The following DACT3 variants were observed in gnomAD, a reference collection of about 807,000 sequenced individuals.
The protein encoded by DACT3 is dapper homolog 3.
Under a neutral mutation model 19.6 loss-of-function variants are expected in DACT3, and 5 were observed. The observed-to-expected ratio is 0.26, with a 90% CI of 0.13 to 0.54. The LOEUF (loss-of-function observed/expected upper bound fraction) is 0.54, where lower values mean the gene tolerates loss of function less well. Among genes scored for constraint, DACT3 ranks in the 20% least tolerant of loss-of-function variants. The pLI is 0.95. For synonymous variants in DACT3, 454 were observed against 428.1 expected (o/e 1.06, Z -0.75); for missense variants, 908 against 927.4 (o/e 0.98, Z 0.27).
chr19:46,649,804 G>T lies in DACT3; in HGVS notation c.568C>A (p.Pro190Thr). 1 of 1,403,266 alleles carries T rather than the reference G, an allele frequency of 7.1e-7. No individual in the cohort carries two copies. The highest frequency in any genetic ancestry group is 9.2e-7 in the Non-Finnish European group (1 of 1,083,726). 86.9% of individuals were successfully genotyped at this position (1,403,266 alleles called of 1,614,324 possible). A position where few individuals can be genotyped will look rare whatever the true frequency, so the allele number is the denominator to read the frequency against. ...RAAVPRSFSA[P>T]YPTAGGSAGP... ...GCGGACCCCCCTGCCGTCGGGTAGG[G>T]CGCTGAGAAGGACCGCGGCACCGCT... Residue 190 changes from proline (P) to threonine (T), a missense_variant, in exon 4 of 4, where the codon CCC (proline) becomes ACC (threonine). By Grantham distance (38) the Pro-to-Thr change is conservative. This residue lies in a region of DACT3 where 252 missense variants were observed against 325.6 expected (regional missense o/e 0.77). Coordinates refer to ENST00000391916, the MANE Select transcript of DACT3 (RefSeq NM_145056.3).
At chr19:46,653,647 G>A (rs1404391067) in intron 1 of DACT3, among the ~76,000 whole-genome samples, 1 of 151,644 alleles carries the variant, frequency 6.6e-6, no homozygotes, top group Non-Finnish European at 1.5e-5. Flanking sequence ...TCTACCTCCC[G>A]GGATCAGGCA....
At position 46,648,967 on chromosome 19, in the gene DACT3, C is replaced by G; in HGVS notation, c.1405G>C (p.Ala469Pro). 1 of 1,295,644 alleles carries G rather than the reference C, an allele frequency of 7.7e-7. No homozygotes were observed. Among genetic ancestry groups the G allele is most frequent in the Non-Finnish European group, 9.8e-7 (1 of 1,024,910 alleles). The allele number at this position is 1,295,644 out of a possible 1,614,324, so 80.3% of individuals were successfully genotyped here. A position where few individuals can be genotyped will look rare whatever the true frequency, so the allele number is the denominator to read the frequency against. ...CGCCAGCGACGGCAGGACCCTGCGG[C>G]CTGGGCCGCCAGCGTGGGCGCTGGG... ...RGPAPTLAAQ[A>P]AGSCRRWRST... is the part of the protein sequence containing the mutation. Residue 469 changes from alanine (A) to proline (P), a missense_variant, in exon 4 of 4, where the codon GCC (alanine) becomes CCC (proline). Transcript: ENST00000391916. The surrounding 1 kb of genome is among the most constrained non-coding windows in gnomAD (Gnocchi z 5.1).
In DACT3 at chr19:46,649,447, G is replaced by A. The variant is rs1309154437; in HGVS notation, c.925C>T (p.Arg309Cys). Residue 309 changes from arginine to cysteine, a missense_variant, in exon 4 of 4, where the codon CGC (arginine) becomes TGC (cysteine). Coordinates refer to ENST00000391916, the MANE Select transcript of DACT3 (RefSeq NM_145056.3). ...GGGCTGGTGGGGTGGCCCCCGACGCGCTCCAACGAGGGCTCCCGCGCGGGT... is the reference window on the plus strand; with the variant it reads ...GGGCTGGTGGGGTGGCCCCCGACGCACTCCAACGAGGGCTCCCGCGCGGGT... Reference protein sequence around the residue: ...ARPAREPSLERVGGHPTSPAA... With the variant: ...ARPAREPSLECVGGHPTSPAA... 4 of 1,223,970 alleles carry A rather than the reference G, an allele frequency of 3.3e-6. No homozygotes were observed. The highest frequency in any genetic ancestry group is 4.1e-6 in the Non-Finnish European group (4 of 976,120). The allele number at this position is 1,223,970 out of a possible 1,614,324, so 75.8% of individuals were successfully genotyped here. A position where few individuals can be genotyped will look rare whatever the true frequency, so the allele number is the denominator to read the frequency against.
At position 46,660,543 on chromosome 19, in the gene DACT3, A is replaced by T; in HGVS notation, c.249+273T>A. The T allele has an allele frequency of 2.1e-6, 1 of 473,810 alleles. No homozygotes were observed. The highest frequency in any genetic ancestry group is 3.5e-6 in the Non-Finnish European group (1 of 284,814). The allele number at this position is 473,810 out of a possible 1,614,324, so 29.4% of individuals were successfully genotyped here. A position where few individuals can be genotyped will look rare whatever the true frequency, so the allele number is the denominator to read the frequency against. On this transcript the variant is annotated intron_variant, in intron 1 of 3. Coordinates refer to ENST00000391916, the MANE Select transcript of DACT3 (RefSeq NM_145056.3). The surrounding 1 kb of genome is among the most constrained non-coding windows in gnomAD (Gnocchi z 4.9). ...GGTTTGACACATACTTGGCGCCCAC[A>T]AGGATTTTCTTTGGGGAAGGGGTGT...
intron 1 of DACT3, among the ~76,000 whole-genome samples, chr19:46,657,716 C>A (rs562183794): frequency 4.1e-4 from 62 of 151,464 alleles, no homozygotes; most frequent in South Asian, 1.0e-3. Flanking sequence ...CTATGAATTT[C>A]TTATAAGGAA....
Position 46,649,513 on chromosome 19 carries a change from G to A in DACT3, c.859C>T (p.Gln287Ter). ...GGPRRQNSVR[Q>*]RPPDASPSPG... Reference sequence around the variant, plus strand: ...GACGGAGACGCGTCGGGCGGCCGCTGGCGCACGCTGTTCTGGCGCCGCGGG... The same window carrying A: ...GACGGAGACGCGTCGGGCGGCCGCTAGCGCACGCTGTTCTGGCGCCGCGGG... The change falls in exon 4 of 4, where the codon CAG becomes TAG. Residue 287 changes from glutamine to a stop codon, truncating the protein, a stop_gained. Coordinates refer to ENST00000391916, the MANE Select transcript of DACT3 (RefSeq NM_145056.3). LOFTEE classifies it low-confidence loss of function (END_TRUNC). The A allele has an allele frequency of 9.2e-7, 1 of 1,087,904 alleles. No individual in the cohort carries two copies. Among genetic ancestry groups the A allele is most frequent in the Non-Finnish European group, 1.1e-6 (1 of 898,130 alleles). 67.4% of individuals were successfully genotyped at this position (1,087,904 alleles called of 1,614,324 possible).
At chr19:46,655,128 C>G (rs150642857) in intron 1 of DACT3, 2 of 913,668 alleles carry the variant, frequency 2.2e-6, no homozygotes. Context: ...GCCTTGCCAC[C>G]GTCCCTCGAA....
chr19:46,648,366 G>A lies in DACT3; in HGVS notation c.*116C>T. 1 of 1,539,048 alleles carries A rather than the reference G, an allele frequency of 6.5e-7. No individual in the cohort carries two copies. The highest frequency in any genetic ancestry group is 8.8e-7 in the Non-Finnish European group (1 of 1,132,234). ...CTGTTAGGAGTGGGGAGAGTGAGGG[G>A]GGTCTTTGGAAGCAGAGAAAACGAT... On this transcript the variant is annotated 3_prime_UTR_variant, in exon 4 of 4. Coordinates refer to ENST00000391916, the MANE Select transcript of DACT3 (RefSeq NM_145056.3). The surrounding 1 kb of genome is among the most constrained non-coding windows in gnomAD (Gnocchi z 5.1).
At chr19:46,654,567 A>C (rs185544019) in intron 1 of DACT3, 1 of 985,344 alleles carries the variant, frequency 1.0e-6, no homozygotes, top group Admixed American at 6.2e-5. Context: ...AGCACTTCTC[A>C]CGGATGGGGT....
intron 1 of DACT3, among the ~76,000 whole-genome samples, chr19:46,655,679 A>C (rs2053027296): frequency 6.6e-6 from 1 of 152,146 alleles, no homozygotes; most frequent in African/African-American, 2.4e-5. Context: ...TCTCACTAGA[A>C]TGTCAGCCCT....
At position 46,661,021 on chromosome 19, in the gene DACT3, C is replaced by T. The variant is rs1189573487; in HGVS notation, c.44G>A (p.Arg15Gln). 6.5e-7 allele frequency: 1 copy of T among 1,530,238 alleles called. No homozygotes were observed. The highest frequency in any genetic ancestry group is 1.2e-5 in the South Asian group (1 of 82,432). The allele number at this position is 1,530,238 out of a possible 1,614,324, so 94.8% of individuals were successfully genotyped here. The change falls in exon 1 of 4, where the codon CGG becomes CAG. Residue 15 changes from arginine to glutamine, a missense_variant. By Grantham distance (43) the Arg-to-Gln change is conservative. Transcript: ENST00000391916. ...GCTACCCTCCAGCCAGCCCCGCAGC[C>T]GGCCCCGCTCAGGGCTCACCGGGAA... ...FSFPVSPERG[R>Q]LRGWLEGSLA...
chr19:46,660,906 C>T lies in DACT3; in HGVS notation c.159G>A (p.Gly53=), dbSNP rs1169763006. 1.3e-6 allele frequency: 2 copies of T among 1,538,046 alleles called. No individual in the cohort carries two copies. The change falls in exon 1 of 4, where the codon GGG becomes GGA. Residue 53 remains glycine, a synonymous_variant. Coordinates refer to ENST00000391916, the MANE Select transcript of DACT3 (RefSeq NM_145056.3). This position sits in a 1 kb window ranked among gnomAD's most constrained non-coding sequence, Gnocchi z 4.9. ...QALRLAQPGM[G]GAEAEDEEDA... Reference sequence around the variant, plus strand: ...CCTCCTCGTCCTCGGCCTCGGCGCCCCCCATTCCGGGCTGGGCCAGCCGCA... The same window carrying T: ...CCTCCTCGTCCTCGGCCTCGGCGCCTCCCATTCCGGGCTGGGCCAGCCGCA...
chr19:46,656,256 G>C (rs1442441889), intron 1 of DACT3, among the ~76,000 whole-genome samples: 2 of 151,650 alleles, frequency 1.3e-5, no homozygotes, highest in Non-Finnish European at 2.9e-5. Context: ...CATCATGTTG[G>C]CCAGGTTGGT....
chr19:46,655,281 G>T (rs2053024371), intron 1 of DACT3, among the ~76,000 whole-genome samples: 1 of 151,962 alleles, frequency 6.6e-6, no homozygotes, highest in African/African-American at 2.4e-5. Context: ...TGCTTTTCGG[G>T]TTTTTTCTAC....
intron 1 of DACT3, chr19:46,655,166 G>A: frequency 1.7e-6 from 1 of 572,610 alleles, no homozygotes; most frequent in Non-Finnish European, 2.2e-6. Context: ...TACCTCGGGA[G>A]AATGTTTCCC....
In DACT3 at chr19:46,660,908, C is replaced by T. The variant is rs1408750422; in HGVS notation, c.157G>A (p.Gly53Arg). 2 of 1,538,100 alleles carry T rather than the reference C, an allele frequency of 1.3e-6. No individual in the cohort carries two copies. Among genetic ancestry groups the T allele is most frequent in the African/African-American group, 1.4e-5 (1 of 72,716 alleles). ...QALRLAQPGM[G>R]GAEAEDEEDA... ...TCCTCGTCCTCGGCCTCGGCGCCCC[C>T]CATTCCGGGCTGGGCCAGCCGCAGC... is the stretch of plus-strand genomic sequence containing the variant. Residue 53 changes from glycine to arginine, a missense_variant, in exon 1 of 4, where the codon GGG becomes AGG. Physicochemically the swap from Gly to Arg is moderately radical, Grantham distance 125. This residue lies in a region of DACT3 where 252 missense variants were observed against 325.6 expected (regional missense o/e 0.77). Coordinates refer to ENST00000391916, the MANE Select transcript of DACT3 (RefSeq NM_145056.3). The surrounding 1 kb of genome is among the most constrained non-coding windows in gnomAD (Gnocchi z 4.9).
In DACT3 at chr19:46,648,171, C is replaced by T. The variant is rs2052936653; in HGVS notation, c.*311G>A. 1 of 314,174 alleles carries T rather than the reference C, an allele frequency of 3.2e-6. No individual in the cohort carries two copies. The highest frequency in any genetic ancestry group is 5.4e-5 in the South Asian group (1 of 18,354). 19.5% of individuals were successfully genotyped at this position (314,174 alleles called of 1,614,324 possible). A position where few individuals can be genotyped will look rare whatever the true frequency, so the allele number is the denominator to read the frequency against. On this transcript the variant is annotated 3_prime_UTR_variant, in exon 4 of 4. Coordinates refer to ENST00000391916, the MANE Select transcript of DACT3 (RefSeq NM_145056.3). This position sits in a 1 kb window ranked among gnomAD's most constrained non-coding sequence, Gnocchi z 5.1. ...TAAACTAAAACGGGGAAATTCAAAC[C>T]GAATTACCCCTTTTGCATACATGGA... is the stretch of plus-strand genomic sequence containing the variant.
intron 1 of DACT3, chr19:46,659,239 G>C (rs1043496287): frequency 1.0e-6 from 1 of 985,248 alleles, no homozygotes. Flanking sequence ...TAGAGACTGG[G>C]GGGTGGGGGG....
intron 1 of DACT3, among the ~76,000 whole-genome samples, chr19:46,658,229 TAA>T (rs34025756): frequency 1.4e-5 from 2 of 142,644 alleles, no homozygotes; most frequent in Non-Finnish European, 1.5e-5. Flanking sequence ...CTCATATCTT[TAA>T]AAAAAAAAAA....
Sources: allele counts gnomAD v4.1 joint callset (sites outside exome capture counted in the v4.1 genomes callset), GRCh38; gene constraint gnomAD v4.1.1; regional missense constraint gnomAD v4.1.1; non-coding constraint Gnocchi (gnomAD v3.1); transcripts MANE v1.5; gene names NCBI Gene and HGNC (gene_info 2026-07-23, HGNC 2026-07-21).